The following SCAPER variants were observed in gnomAD, a reference collection of about 807,000 sequenced individuals.
SCAPER encodes the protein S phase cyclin A-associated protein in the endoplasmic reticulum.
A neutral mutation model predicts 182.2 loss-of-function variants in SCAPER; 98 were observed. That is an observed-to-expected ratio of 0.54 (90% confidence interval 0.46 to 0.64). The LOEUF (loss-of-function observed/expected upper bound fraction) is 0.64, where lower values mean the gene tolerates loss of function less well. Ranked by LOEUF, SCAPER falls within the 30% of genes least tolerant of loss-of-function variation. The pLI is 0.00. For synonymous variants in SCAPER, 605 were observed against 564.6 expected, an observed-to-expected ratio of 1.07 and a Z score of -1.01; for missense variants, 1,432 against 1,690.0, an observed-to-expected ratio of 0.85 and a Z score of 2.68.
At chr15:76,783,204 AC>A (rs2064297057) in intron 8 of SCAPER, among the ~76,000 whole-genome samples, 1 of 152,248 alleles carries the variant, frequency 6.6e-6, no homozygotes, top group Non-Finnish European at 1.5e-5. Context: ...AGGGGATATC[AC>A]CACAGATCCC....
intron 23 of SCAPER, among the ~76,000 whole-genome samples, chr15:76,511,093 A>G (rs1176422786): frequency 6.6e-6 from 1 of 152,066 alleles, no homozygotes; most frequent in Non-Finnish European, 1.5e-5. Context: ...AACTCTGGGG[A>G]CTCAGGGGGA....
chr15:76,716,104 A>AC (rs2059874905), intron 17 of SCAPER, among the ~76,000 whole-genome samples: 1 of 152,168 alleles, frequency 6.6e-6, no homozygotes, highest in Non-Finnish European at 1.5e-5. Context: ...AAGAACAGGA[A>AC]GACCCCTACA....
At chr15:76,802,227 G>C (rs951110170) in intron 6 of SCAPER, among the ~76,000 whole-genome samples, 1 of 152,170 alleles carries the variant, frequency 6.6e-6, no homozygotes, top group East Asian at 1.9e-4. Flanking sequence ...TCCAAAAGTT[G>C]GGGGAGACTA....
intron 29 of SCAPER, among the ~76,000 whole-genome samples, chr15:76,367,303 T>C (rs2041876200): frequency 6.6e-6 from 1 of 152,166 alleles, no homozygotes; most frequent in African/African-American, 2.4e-5. Context: ...TTATATAAAA[T>C]CTCCTATCTC....
chr15:76,891,832 T>C (rs1196923005), intron 1 of SCAPER, among the ~76,000 whole-genome samples: 2 of 150,100 alleles, frequency 1.3e-5, no homozygotes, highest in African/African-American at 4.9e-5. Context: ...TTTTCCAATT[T>C]GGTTCATATG....
chr15:76,659,817 G>A (rs1201878375), intron 21 of SCAPER, among the ~76,000 whole-genome samples: 5 of 152,156 alleles, frequency 3.3e-5, no homozygotes, highest in Admixed American at 6.6e-5. Flanking sequence ...AAATTATTCC[G>A]TTATTGTGCA....
intron 24 of SCAPER, among the ~76,000 whole-genome samples, chr15:76,474,050 A>T (rs1374682104): frequency 3.3e-5 from 5 of 152,022 alleles, no homozygotes; most frequent in African/African-American, 1.2e-4. Flanking sequence ...GCCTCATGTG[A>T]TCCACCCACC....
chr15:76,673,218 C>A (rs757191484), intron 20 of SCAPER, among the ~76,000 whole-genome samples: 23 of 152,082 alleles, frequency 1.5e-4, no homozygotes, highest in Non-Finnish European at 2.6e-4. Context: ...TTCCTCAGAA[C>A]ATGCCTTAGA....
intron 29 of SCAPER, among the ~76,000 whole-genome samples, chr15:76,365,391 GT>G (rs970408934): frequency 6.6e-6 from 1 of 152,162 alleles, no homozygotes; most frequent in African/African-American, 2.4e-5. Context: ...CTTCTTTCAT[GT>G]TGTCTATTCT....
intron 17 of SCAPER, among the ~76,000 whole-genome samples, chr15:76,707,430 G>C (rs1161241571): frequency 6.6e-6 from 1 of 151,914 alleles, no homozygotes; most frequent in African/African-American, 2.4e-5. Context: ...GAAAATATAA[G>C]AACAGAAGAC....
chr15:76,617,924 A>C lies in SCAPER; in HGVS notation c.2711+3840T>G, dbSNP rs2051643183. ...TACTGTATACCACAGTCATATATTA[A>C]ATTTCCTCAAGTATTTAGATGTATT... On this transcript the variant is annotated intron_variant, in intron 22 of 31. Coordinates refer to ENST00000563290, the MANE Select transcript of SCAPER (RefSeq NM_020843.4). Among the ~76,000 whole-genome samples the C allele has an allele frequency of 2.6e-5, 4 of 152,204 alleles. No individual in the cohort carries two copies. The South Asian group carries it at 8.3e-4, about 32-fold the overall frequency.
chr15:76,891,163 C>T (rs1156921173), intron 1 of SCAPER, among the ~76,000 whole-genome samples: 1 of 152,148 alleles, frequency 6.6e-6, no homozygotes. Context: ...ATTGATGGAA[C>T]ATATCTCAAA....
At chr15:76,638,474 TATG>T (rs1352043455) in intron 21 of SCAPER, among the ~76,000 whole-genome samples, 1 of 152,202 alleles carries the variant, frequency 6.6e-6, no homozygotes, top group African/African-American at 2.4e-5. Flanking sequence ...CATCACTAAG[TATG>T]ATATGTCCTC....
At chr15:76,466,543 G>C (rs968561732) in intron 25 of SCAPER, among the ~76,000 whole-genome samples, 13 of 148,312 alleles carry the variant, frequency 8.8e-5, no homozygotes, top group African/African-American at 3.2e-4. Flanking sequence ...TCTTTGTCAG[G>C]TAATTCATGT....
chr15:76,444,444 G>C (rs956537564), intron 25 of SCAPER, among the ~76,000 whole-genome samples: 1 of 152,054 alleles, frequency 6.6e-6, no homozygotes, highest in African/African-American at 2.4e-5. Context: ...TTTTCCACAA[G>C]TTTTCCCTCT....
chr15:76,616,362 C>T (rs1257095666), intron 22 of SCAPER, among the ~76,000 whole-genome samples: 1 of 151,960 alleles, frequency 6.6e-6, no homozygotes, highest in Non-Finnish European at 1.5e-5. Flanking sequence ...TGAAATAAGC[C>T]TATCACAAAA....
At chr15:76,710,485 A>G (rs1465620020) in intron 17 of SCAPER, among the ~76,000 whole-genome samples, 1 of 152,148 alleles carries the variant, frequency 6.6e-6, no homozygotes, top group Non-Finnish European at 1.5e-5. Context: ...GTATTTCTAC[A>G]TACTAGCAAG....
chr15:76,613,048 C>G (rs147603951), intron 22 of SCAPER, among the ~76,000 whole-genome samples: 4 of 152,336 alleles, frequency 2.6e-5, no homozygotes, highest in Non-Finnish European at 5.9e-5. Flanking sequence ...GTAACCAAAA[C>G]AGCATGGTAC....
rs1009257065 is a variant in SCAPER, at chr15:76,733,286, T to C, written c.1965A>G (p.Leu655=). ...LKEYEQRLNE[L]QEERQRRQEE... ...CCTGTCTTCTCTGACGCTCTTCCTG[T>C]AGCTCATTAAGCCTCTGTTCATATT... The change falls in exon 16 of 32, where the codon CTA becomes CTG. Residue 655 remains leucine, a synonymous_variant. Transcript: ENST00000563290. 2 of 1,609,040 alleles carry C rather than the reference T, an allele frequency of 1.2e-6. No homozygotes were observed. The highest frequency in any genetic ancestry group is 2.2e-5 in the East Asian group (1 of 44,738).
Sources: gnomAD v4.1 joint callset for allele counts (sites outside exome capture counted in the v4.1 genomes callset) on GRCh38, gnomAD v4.1.1 for gene constraint, MANE v1.5 for transcripts, NCBI Gene and HGNC (gene_info 2026-07-23, HGNC 2026-07-21) for gene names.